The following IPMK variants were observed in gnomAD, a reference collection of about 807,000 sequenced individuals.
IPMK encodes inositol polyphosphate multikinase.
A neutral mutation model predicts 45.8 loss-of-function variants in IPMK; 17 were observed. The observed-to-expected ratio is 0.37, with a 90% confidence interval of 0.25 to 0.56. The LOEUF (loss-of-function observed/expected upper bound fraction) is 0.56, where lower values mean the gene tolerates loss of function less well. Ranked by LOEUF, IPMK falls within the 20% of genes least tolerant of loss-of-function variation. The pLI is 0.79. For synonymous variants in IPMK, 180 were observed against 184.3 expected (o/e 0.98, Z 0.19); for missense variants, 399 against 498.0 (o/e 0.80, Z 1.89).
chr10:58,218,986 T>TA (rs1423097629), intron 3 of IPMK, among the ~76,000 whole-genome samples: 15 of 152,186 alleles, frequency 9.9e-5, no homozygotes, highest in Non-Finnish European at 2.2e-4. Flanking sequence ...ACCCCTTCAG[T>TA]AAATAGGGAT....
chr10:58,262,271 T>C (rs897723955), intron 1 of IPMK, among the ~76,000 whole-genome samples: 2 of 152,218 alleles, frequency 1.3e-5, no homozygotes, highest in African/African-American at 4.8e-5. Context: ...TCATCCTGAA[T>C]TCTTTATTCT....
rs527877178 is a variant in IPMK at position 58,240,327 on chromosome 10, C to A, written c.191-2513G>T. On this transcript the variant is annotated intron_variant, in intron 1 of 5. Transcript: ENST00000373935. ...CAGAGCAATGAACATTCACAAAGAC[C>A]AATACAAAATATCTAAATTAAAGAA... 2.0e-5 allele frequency among the ~76,000 whole-genome samples: 3 copies of A among 150,626 alleles called. No homozygotes were observed. The East Asian group carries it at 5.8e-4, about 29-fold the overall frequency.
chr10:58,234,018 T>A lies in IPMK; in HGVS notation c.276+3711A>T, dbSNP rs577833967. 4.6e-5 allele frequency among the ~76,000 whole-genome samples: 7 copies of A among 152,076 alleles called. No individual in the cohort carries two copies. In the East Asian group the frequency reaches 1.2e-3, roughly 25 times the overall value. Reference sequence around the variant, plus strand: ...AAATCACAAGCATTCCTATACACCATTAACAGACAAACAGAGAGCCAAATC... The same window carrying A: ...AAATCACAAGCATTCCTATACACCAATAACAGACAAACAGAGAGCCAAATC... On this transcript the variant is annotated intron_variant, in intron 2 of 5. Coordinates refer to ENST00000373935, the MANE Select transcript of IPMK (RefSeq NM_152230.5).
At chr10:58,201,343 C>T (rs1837994484) in intron 4 of IPMK, among the ~76,000 whole-genome samples, 1 of 152,168 alleles carries the variant, frequency 6.6e-6, no homozygotes, top group African/African-American at 2.4e-5. Context: ...GTGCTCATTT[C>T]ATTTCTCTGT....
intron 1 of IPMK, among the ~76,000 whole-genome samples, chr10:58,243,923 G>C (rs2590326): frequency 6.8e-6 from 1 of 146,692 alleles, no homozygotes; most frequent in African/African-American, 2.5e-5. Context: ...AGGAAGTGAG[G>C]AGCGTCTCTG....
chr10:58,234,180 G>C (rs1385842626), intron 2 of IPMK, among the ~76,000 whole-genome samples: 1 of 152,154 alleles, frequency 6.6e-6, no homozygotes, highest in Non-Finnish European at 1.5e-5. Context: ...ACAAACAAAG[G>C]GAAGAATATT....
At chr10:58,241,791 C>T (rs775783435) in intron 1 of IPMK, among the ~76,000 whole-genome samples, 1 of 151,830 alleles carries the variant, frequency 6.6e-6, no homozygotes, top group African/African-American at 2.4e-5. Flanking sequence ...CTCATTTAAC[C>T]TTAATTACCT....
intron 1 of IPMK, among the ~76,000 whole-genome samples, chr10:58,255,419 T>C (rs1838950307): frequency 6.6e-6 from 1 of 152,062 alleles, no homozygotes; most frequent in South Asian, 2.1e-4. Context: ...GTCATGCCAG[T>C]TTGGGGGAGG....
At chr10:58,216,110 A>C in intron 4 of IPMK, 35 bp downstream of exon 4, 1 of 1,332,252 alleles carries the variant, frequency 7.5e-7, no homozygotes, top group South Asian at 1.8e-5. Flanking sequence ...ACATGTACAG[A>C]GAAATGTGCA....
rs902087263 is a variant in IPMK at position 58,213,520 on chromosome 10, T to TA, written c.546+2624dup. On this transcript the variant is annotated intron_variant, in intron 4 of 5. Transcript: ENST00000373935. ...TAACATGGTGAAATCCCATATCTAC[T>TA]AAAAAAAATACTAAAAATTAGCAGG... Among the ~76,000 whole-genome samples, 37 of 151,622 alleles carry TA rather than the reference T, an allele frequency of 2.4e-4. 1 individual carries two copies. The highest frequency in any genetic ancestry group is 8.4e-4 in the African/African-American group (35 of 41,430).
intron 1 of IPMK, among the ~76,000 whole-genome samples, chr10:58,261,548 TAAC>T (rs1435289792): frequency 2.7e-5 from 4 of 149,940 alleles, no homozygotes; most frequent in African/African-American, 4.9e-5. Flanking sequence ...GAAAAAGAAA[TAAC>T]AACCAAAAAC....
intron 1 of IPMK, among the ~76,000 whole-genome samples, chr10:58,265,805 G>C (rs1388176280): frequency 1.3e-5 from 2 of 152,120 alleles, no homozygotes; most frequent in Admixed American, 1.3e-4. Context: ...CTCTGAATGG[G>C]ATCACTATTA....
At chr10:58,223,239 T>C (rs979646491) in intron 3 of IPMK, among the ~76,000 whole-genome samples, 1 of 152,128 alleles carries the variant, frequency 6.6e-6, no homozygotes, top group African/African-American at 2.4e-5. Flanking sequence ...AATATAACTA[T>C]CTTAAACGTA....
Position 58,191,538 on chromosome 10 carries a change from T to C in IPMK, c.*4538A>G, listed in dbSNP as rs1564524928. The C allele has an allele frequency of 6.6e-6, 1 of 152,126 alleles. No individual in the cohort carries two copies. The highest frequency in any genetic ancestry group is 2.4e-5 in the African/African-American group (1 of 41,444). The allele number at this position is 152,126 out of a possible 1,614,324, so 9.4% of individuals were successfully genotyped here. Reference sequence around the variant, plus strand: ...AAAGTTCCAATGCAAAACATTTTAATAGGTTGTCAAATATACAGTTATTAG... The same window carrying C: ...AAAGTTCCAATGCAAAACATTTTAACAGGTTGTCAAATATACAGTTATTAG... On this transcript the variant is annotated 3_prime_UTR_variant, in exon 6 of 6. Coordinates refer to ENST00000373935, the MANE Select transcript of IPMK (RefSeq NM_152230.5).
chr10:58,219,644 T>C (rs1564531471), intron 3 of IPMK, among the ~76,000 whole-genome samples: 1 of 152,310 alleles, frequency 6.6e-6, no homozygotes, highest in East Asian at 1.9e-4. Flanking sequence ...AGTGGAGCAG[T>C]ATTTTTCCAT....
chr10:58,249,423 A>G (rs911617896), intron 1 of IPMK, among the ~76,000 whole-genome samples: 7 of 152,110 alleles, frequency 4.6e-5, no homozygotes, highest in African/African-American at 1.7e-4. Context: ...GCATGAGATA[A>G]TATCTCATTG....
intron 3 of IPMK, among the ~76,000 whole-genome samples, chr10:58,219,558 C>T (rs748960662): frequency 1.3e-5 from 2 of 152,228 alleles, no homozygotes; most frequent in African/African-American, 4.8e-5. Flanking sequence ...TTACTACAGG[C>T]AGCCTCACTT....
At chr10:58,255,407 G>A (rs1292571635) in intron 1 of IPMK, among the ~76,000 whole-genome samples, 4 of 152,142 alleles carry the variant, frequency 2.6e-5, no homozygotes, top group African/African-American at 9.7e-5. Context: ...TCTGTGAGTG[G>A]TGTCATGCCA....
At chr10:58,227,244 G>T in intron 2 of IPMK, 105 bp from the exon 3 acceptor site, 1 of 796,504 alleles carries the variant, frequency 1.3e-6, no homozygotes, top group Non-Finnish European at 2.0e-6. Flanking sequence ...ATCTGGTATG[G>T]CTTCAATTGC....
Sources: gnomAD v4.1 joint callset for allele counts (sites outside exome capture counted in the v4.1 genomes callset) on GRCh38, gnomAD v4.1.1 for gene constraint, MANE v1.5 for transcripts, NCBI Gene and HGNC (gene_info 2026-07-23, HGNC 2026-07-21) for gene names.